Variants in SPAG16 observed in about 807,000 individuals in gnomAD.
SPAG16 encodes sperm associated antigen 16.
In SPAG16, 86 loss-of-function variants were observed where a neutral mutation model predicts 80.4. The observed-to-expected ratio is 1.07, with a 90% CI of 0.90 to 1.28. The LOEUF (loss-of-function observed/expected upper bound fraction) is 1.28, where lower values mean the gene tolerates loss of function less well. Among genes scored for constraint, SPAG16 ranks in the 50% most tolerant of loss-of-function variants. The pLI is 0.00. For synonymous variants in SPAG16, 294 were observed against 265.9 expected (o/e 1.11, Z -1.03); for missense variants, 870 against 765.3 (o/e 1.14, Z -1.61).
intron 10 of SPAG16, among the ~76,000 whole-genome samples, chr2:213,714,752 A>G (rs1325098421): frequency 1.3e-5 from 2 of 152,212 alleles, no homozygotes; most frequent in Non-Finnish European, 2.9e-5. Flanking sequence ...TGAGGCACAC[A>G]GTTAAATGAC....
chr2:213,797,964 A>AT (rs1249928624), intron 10 of SPAG16, among the ~76,000 whole-genome samples: 1 of 152,152 alleles, frequency 6.6e-6, no homozygotes, highest in East Asian at 1.9e-4. Flanking sequence ...ACCTTCTCTC[A>AT]TTCTCATCAA....
Position 213,518,350 on chromosome 2 carries a change from C to T in SPAG16, c.1070+28260C>T, listed in dbSNP as rs539836011. Among the ~76,000 whole-genome samples, 14 of 152,288 alleles carry T rather than the reference C, an allele frequency of 9.2e-5. No homozygotes were observed. The South Asian group carries it at 1.2e-3, about 14-fold the overall frequency. On this transcript the variant is annotated intron_variant, in intron 10 of 15. Transcript: ENST00000331683. ...TAGCATGATCATCGCTTACTGCAAC[C>T]GCAAAGTCCTGGGCTCAAGGGATCC...
intron 15 of SPAG16, among the ~76,000 whole-genome samples, chr2:214,181,022 C>G (rs1200572704): frequency 6.6e-6 from 1 of 151,644 alleles, no homozygotes; most frequent in Non-Finnish European, 1.5e-5. Flanking sequence ...TATGTACCAT[C>G]CAAAAGTAAA....
intron 15 of SPAG16, among the ~76,000 whole-genome samples, chr2:214,376,072 A>G (rs939759120): frequency 3.3e-5 from 5 of 152,036 alleles, no homozygotes; most frequent in African/African-American, 1.2e-4. Flanking sequence ...TTGCTTTCTT[A>G]TGATCTTAGG....
At position 214,061,137 on chromosome 2, in the gene SPAG16, C is replaced by T. The variant is rs918865838; in HGVS notation, c.1528-47059C>T. ...ATAGAGAAACTCGAATATCTTCAAA[C>T]GGATCTCCTGAAGCATTTAGCAGAG... On this transcript the variant is annotated intron_variant, in intron 13 of 15. Coordinates refer to ENST00000331683, the MANE Select transcript of SPAG16 (RefSeq NM_024532.5). 2.6e-5 allele frequency among the ~76,000 whole-genome samples: 4 copies of T among 152,100 alleles called. No homozygotes were observed. The South Asian group carries it at 6.2e-4, about 24-fold the overall frequency.
chr2:214,109,697 A>G (rs28569212), intron 14 of SPAG16, among the ~76,000 whole-genome samples: 25,094 of 152,208 alleles, frequency 0.16, 2,099 homozygotes, highest in African/African-American at 0.18. Context: ...ATTTTAATAG[A>G]TTGGTCTTTG....
intron 13 of SPAG16, among the ~76,000 whole-genome samples, chr2:214,087,279 A>G (rs2051834345): frequency 6.6e-6 from 1 of 152,184 alleles, no homozygotes; most frequent in Non-Finnish European, 1.5e-5. Flanking sequence ...ACAGACACAC[A>G]TATAGTGACC....
At chr2:213,669,075 A>C (rs1277907078) in intron 10 of SPAG16, among the ~76,000 whole-genome samples, 3 of 152,228 alleles carry the variant, frequency 2.0e-5, no homozygotes, top group Admixed American at 6.5e-5. Context: ...GTATTTGCTT[A>C]GTTACAGGTA....
At chr2:214,261,312 GC>G (rs934014340) in intron 15 of SPAG16, among the ~76,000 whole-genome samples, 4 of 151,808 alleles carry the variant, frequency 2.6e-5, no homozygotes, top group Non-Finnish European at 5.9e-5. Context: ...GGCTTCAGAA[GC>G]CCCCTGGAAT....
At chr2:213,406,951 A>G (rs1428068323) in intron 9 of SPAG16, among the ~76,000 whole-genome samples, 4 of 151,646 alleles carry the variant, frequency 2.6e-5, no homozygotes, top group African/African-American at 9.7e-5. Flanking sequence ...AAAAAAAAAA[A>G]AAAAAAGGGA....
chr2:213,902,194 T>C (rs2077246350), intron 11 of SPAG16, among the ~76,000 whole-genome samples: 1 of 152,284 alleles, frequency 6.6e-6, no homozygotes, highest in East Asian at 1.9e-4. Flanking sequence ...TCTGTGGATA[T>C]ACCAAAGAAT....
At chr2:214,275,069 C>T (rs1029263273) in intron 15 of SPAG16, among the ~76,000 whole-genome samples, 1 of 152,052 alleles carries the variant, frequency 6.6e-6, no homozygotes, top group African/African-American at 2.4e-5. Context: ...TCTAGGTTTT[C>T]TAGTTTATTT....
chr2:213,827,242 T>C (rs1311849668), intron 10 of SPAG16, among the ~76,000 whole-genome samples: 1 of 152,022 alleles, frequency 6.6e-6, no homozygotes, highest in Non-Finnish European at 1.5e-5. Flanking sequence ...AGTTGTTTCA[T>C]GTTTTTCTCT....
intron 15 of SPAG16, among the ~76,000 whole-genome samples, chr2:214,287,926 G>A (rs770094238): frequency 3.3e-5 from 5 of 152,114 alleles, no homozygotes; most frequent in Non-Finnish European, 7.4e-5. Flanking sequence ...TTAGTAACAC[G>A]TCAAGTCCTC....
chr2:214,328,942 A>G (rs1174513387), intron 15 of SPAG16, among the ~76,000 whole-genome samples: 1 of 152,192 alleles, frequency 6.6e-6, no homozygotes, highest in Non-Finnish European at 1.5e-5. Context: ...GTGACTGTTC[A>G]GGAAACTAGC....
chr2:213,389,607 A>T (rs1236597419), intron 9 of SPAG16, among the ~76,000 whole-genome samples: 1 of 152,182 alleles, frequency 6.6e-6, no homozygotes, highest in East Asian at 1.9e-4. Flanking sequence ...TTCTAGATTG[A>T]AGATATATAA....
intron 15 of SPAG16, among the ~76,000 whole-genome samples, chr2:214,387,473 G>A (rs890407675): frequency 6.6e-6 from 1 of 152,118 alleles, no homozygotes; most frequent in Admixed American, 6.5e-5. Context: ...TTTAACCAAA[G>A]GTGATATTAT....
At chr2:213,951,511 G>A (rs77983254) in intron 12 of SPAG16, among the ~76,000 whole-genome samples, 22,159 of 152,012 alleles carry the variant, frequency 0.15, 2,001 homozygotes, top group Non-Finnish European at 0.2. Flanking sequence ...TATACAATAT[G>A]CAAAAGACAA....
Position 214,356,369 on chromosome 2 carries a change from CA to C in SPAG16, c.1721-53769del, listed in dbSNP as rs370343485. ...ACATAGGATTGCATGCAAGTGATCC[CA>C]ATTGACACAATATGGAAGACAGTGG... On this transcript the variant is annotated intron_variant, in intron 15 of 15. Coordinates refer to ENST00000331683, the MANE Select transcript of SPAG16 (RefSeq NM_024532.5). 2.2e-4 allele frequency among the ~76,000 whole-genome samples: 33 copies of C among 151,842 alleles called. No homozygotes were observed. In the East Asian group the frequency reaches 5.0e-3, roughly 23 times the overall value.
Sources: gnomAD v4.1 joint callset for allele counts (sites outside exome capture counted in the v4.1 genomes callset) on GRCh38, gnomAD v4.1.1 for gene constraint, MANE v1.5 for transcripts, NCBI Gene and HGNC (gene_info 2026-07-23, HGNC 2026-07-21) for gene names.